Variants in WWP2 observed in about 807,000 individuals in gnomAD.
WWP2 encodes the protein WW domain containing E3 ubiquitin protein ligase 2, also known as NEDD4-like E3 ubiquitin-protein ligase WWP2.
Under a neutral mutation model 121.0 loss-of-function variants are expected in WWP2, and 57 were observed. The ratio of observed to expected loss-of-function variants is 0.47; its 90% CI spans 0.38 to 0.59. The LOEUF is 0.59. Among genes scored for constraint, WWP2 ranks in the 20% least tolerant of loss-of-function variants. The pLI is 0.00. For missense variants in WWP2, 962 were observed against 1,158.9 expected, an observed-to-expected ratio of 0.83 and a Z score of 2.47; for synonymous variants, 449 against 441.3, an observed-to-expected ratio of 1.02 and a Z score of -0.22.
At chr16:69,910,261 T>C in intron 9 of WWP2, 1 of 538,168 alleles carries the variant, frequency 1.9e-6, no homozygotes. Flanking sequence ...TTAACAGTAT[T>C]TTGTTTATAT....
At chr16:69,912,013 G>A (rs2058385070) in intron 9 of WWP2, among the ~76,000 whole-genome samples, 1 of 152,120 alleles carries the variant, frequency 6.6e-6, no homozygotes, top group Non-Finnish European at 1.5e-5. Context: ...ACCTTGGCTG[G>A]GCTCGGTTGC....
chr16:69,857,088 C>A (rs1211233263), intron 6 of WWP2, among the ~76,000 whole-genome samples: 1 of 152,060 alleles, frequency 6.6e-6, no homozygotes, highest in Non-Finnish European at 1.5e-5. Flanking sequence ...TGTTTCCCAT[C>A]TTTGACTAAC....
intron 8 of WWP2, among the ~76,000 whole-genome samples, chr16:69,906,014 C>T (rs1038347198): frequency 6.6e-6 from 1 of 152,040 alleles, no homozygotes; most frequent in African/African-American, 2.4e-5. Flanking sequence ...GGTGTCTCCT[C>T]TGCTTCTTTC....
At chr16:69,773,105 G>A (rs1597640999) in intron 1 of WWP2, among the ~76,000 whole-genome samples, 3 of 151,966 alleles carry the variant, frequency 2.0e-5, no homozygotes, top group African/African-American at 4.8e-5. Context: ...CGCTAGTGTC[G>A]CTACTACTTT....
chr16:69,938,830 G>A (rs1321439082), intron 21 of WWP2, among the ~76,000 whole-genome samples, 197 bp from the exon 22 acceptor site: 1 of 152,226 alleles, frequency 6.6e-6, no homozygotes, highest in African/African-American at 2.4e-5. Context: ...TGGACTGGTG[G>A]GAATCTCATG....
chr16:69,768,558 C>T (rs575599742), intron 1 of WWP2, among the ~76,000 whole-genome samples: 35 of 152,190 alleles, frequency 2.3e-4, no homozygotes, highest in Admixed American at 1.9e-3. Flanking sequence ...TGCAGTGAGC[C>T]GAGATTGCAT....
Position 69,917,807 on chromosome 16 carries a change from A to G in WWP2, c.1103A>G (p.Asn368Ser), listed in dbSNP as rs1408819627. The G allele has an allele frequency of 1.9e-6, 3 of 1,614,118 alleles. No homozygotes were observed. Among genetic ancestry groups the G allele is most frequent in the Non-Finnish European group, 2.5e-6 (3 of 1,179,926 alleles). ...CGTCCGACCGCGGAGTACGTGCGCA[A>G]CTATGAGCAGTGGCAGTCGCAGCGG... Reference protein sequence around the residue: ...WQRPTAEYVRNYEQWQSQRNQ... With the variant: ...WQRPTAEYVRSYEQWQSQRNQ... The change falls in exon 10 of 24, where the codon AAC becomes AGC. Residue 368 changes from asparagine to serine, a missense_variant. Physicochemically the swap from Asn to Ser is conservative, Grantham distance 46. Coordinates refer to ENST00000359154, the MANE Select transcript of WWP2 (RefSeq NM_001270454.2).
At chr16:69,938,360 G>A (rs770024129) in intron 21 of WWP2, among the ~76,000 whole-genome samples, 1 of 152,162 alleles carries the variant, frequency 6.6e-6, no homozygotes, top group Non-Finnish European at 1.5e-5. Context: ...TCCACTTTGG[G>A]TTCCTTGGCT....
chr16:69,814,693 T>C (rs1038622649), intron 4 of WWP2, among the ~76,000 whole-genome samples: 6 of 152,250 alleles, frequency 3.9e-5, no homozygotes, highest in African/African-American at 1.4e-4. Context: ...TACAGCACTT[T>C]ACATTCCAAG....
At chr16:69,870,117 C>T (rs1369711342) in intron 6 of WWP2, among the ~76,000 whole-genome samples, 2 of 152,174 alleles carry the variant, frequency 1.3e-5, no homozygotes, top group Admixed American at 6.5e-5. Context: ...TAGAGCTTCT[C>T]TGTGTCTGTT....
At chr16:69,872,120 A>G (rs1045310768) in intron 7 of WWP2, among the ~76,000 whole-genome samples, 189 bp downstream of exon 7, 2 of 152,224 alleles carry the variant, frequency 1.3e-5, no homozygotes, top group East Asian at 1.9e-4. Flanking sequence ...CATATTCTGT[A>G]CAGCCAAGGT....
intron 9 of WWP2, chr16:69,909,062 G>T: frequency 2.2e-6 from 3 of 1,338,042 alleles, no homozygotes; most frequent in South Asian, 1.9e-5. Flanking sequence ...GAAACAAAAG[G>T]CGCATGGGAG....
At chr16:69,916,697 A>G (rs1305775869) in intron 9 of WWP2, among the ~76,000 whole-genome samples, 1 of 152,110 alleles carries the variant, frequency 6.6e-6, no homozygotes, top group African/African-American at 2.4e-5. Context: ...GAGACTGAAG[A>G]AAGGCCTGGG....
chr16:69,907,821 C>G (rs2151960187), intron 8 of WWP2, among the ~76,000 whole-genome samples: 1 of 152,254 alleles, frequency 6.6e-6, no homozygotes, highest in South Asian at 2.1e-4. Context: ...TATAAAATAA[C>G]CATATGTTGT....
chr16:69,938,786 G>GCCTGAGGTGTCCCTGAGAC (rs1355078395), intron 21 of WWP2, among the ~76,000 whole-genome samples: 1 of 152,240 alleles, frequency 6.6e-6, no homozygotes, highest in Non-Finnish European at 1.5e-5. Flanking sequence ...AGAATACCCA[G>GCCTGAGGTGTCCCTGAGAC]CCTGAGGTGT....
At chr16:69,931,748 C>T in intron 15 of WWP2, 54 bp from the exon 16 acceptor site, 1 of 1,601,916 alleles carries the variant, frequency 6.2e-7, no homozygotes, top group African/African-American at 1.3e-5. Context: ...CCTCCCGCCC[C>T]TGCCTGCTGT....
intron 6 of WWP2, among the ~76,000 whole-genome samples, chr16:69,854,002 A>G (rs897252436): frequency 2.0e-5 from 3 of 152,216 alleles, no homozygotes; most frequent in Non-Finnish European, 4.4e-5. Context: ...GAGGAATGAG[A>G]ACCTAACTGA....
intron 6 of WWP2, among the ~76,000 whole-genome samples, chr16:69,846,471 G>A (rs2057081240): frequency 6.6e-6 from 1 of 152,176 alleles, no homozygotes; most frequent in African/African-American, 2.4e-5. Context: ...TGTAATCCCA[G>A]CATTTTGGGG....
intron 4 of WWP2, among the ~76,000 whole-genome samples, chr16:69,801,670 C>T (rs2056170313): frequency 1.3e-5 from 2 of 152,198 alleles, no homozygotes; most frequent in South Asian, 2.1e-4. Flanking sequence ...CCTCAGCCTC[C>T]GGAATAGCTG....
Sources: allele counts gnomAD v4.1 joint callset (sites outside exome capture counted in the v4.1 genomes callset), GRCh38; gene constraint gnomAD v4.1.1; transcripts MANE v1.5; gene names NCBI Gene and HGNC (gene_info 2026-07-23, HGNC 2026-07-21).